The following VSTM5 variants were observed in gnomAD, a reference collection of about 807,000 sequenced individuals.
VSTM5 encodes the protein V-set and transmembrane domain-containing protein 5.
In VSTM5, 21 loss-of-function variants were observed where a neutral mutation model predicts 20.3. The observed-to-expected ratio is 1.03, with a 90% CI of 0.73 to 1.49. VSTM5 has a LOEUF of 1.49. Ranked by LOEUF, VSTM5 falls within the 40% of genes most tolerant of loss-of-function variation. The pLI is 0.00. For synonymous variants in VSTM5, 100 were observed against 102.5 expected (o/e 0.98, Z 0.14); for missense variants, 219 against 250.0 (o/e 0.88, Z 0.84).
At chr11:93,823,557 T>C (rs1228582140) in intron 1 of VSTM5, among the ~76,000 whole-genome samples, 3 of 152,224 alleles carry the variant, frequency 2.0e-5, no homozygotes, top group Admixed American at 6.5e-5. Flanking sequence ...CCCCAGCCTC[T>C]GGCAACAACA....
intron 1 of VSTM5, among the ~76,000 whole-genome samples, chr11:93,847,174 G>A (rs1484455742): frequency 2.0e-5 from 3 of 152,190 alleles, no homozygotes; most frequent in Admixed American, 2.0e-4. Flanking sequence ...AGTGCAGAGT[G>A]AGACCACACC....
At chr11:93,821,371 C>T (rs1944184873) in intron 1 of VSTM5, 48 bp from the exon 2 acceptor site, 2 of 1,429,854 alleles carry the variant, frequency 1.4e-6, no homozygotes, top group Non-Finnish European at 1.9e-6. Flanking sequence ...TGGCTTTATA[C>T]TGAAGTGAAC....
chr11:93,829,528 CAAGAAAA>C (rs1944265062), intron 1 of VSTM5, among the ~76,000 whole-genome samples: 1 of 151,520 alleles, frequency 6.6e-6, no homozygotes. Context: ...GACTCAGTCT[CAAGAAAA>C]AAGAAAAAAA....
chr11:93,829,781 C>T (rs948482725), intron 1 of VSTM5, among the ~76,000 whole-genome samples: 22 of 152,180 alleles, frequency 1.4e-4, no homozygotes, highest in African/African-American at 5.3e-4. Flanking sequence ...ACTGCACTTG[C>T]CACAGCTCCC....
rs1052502494 is a variant in VSTM5 at position 93,819,560 on chromosome 11, G to T, written c.*1009C>A. The stretch of plus-strand genomic sequence containing the variant: ...TTGCTCAGAGAACTCTGTGCATACT[G>T]TGGGCTTCTCTTGATACTCTGACTG... On this transcript the variant is annotated 3_prime_UTR_variant, in exon 4 of 4. Coordinates refer to ENST00000409977, the MANE Select transcript of VSTM5 (RefSeq NM_001144871.2). The T allele has an allele frequency of 1.3e-5, 2 of 152,292 alleles. No homozygotes were observed. Among genetic ancestry groups the T allele is most frequent in the Non-Finnish European group, 2.9e-5 (2 of 68,094 alleles). The allele number at this position is 152,292 out of a possible 1,614,324, so 9.4% of individuals were successfully genotyped here. A position where few individuals can be genotyped will look rare whatever the true frequency, so the allele number is the denominator to read the frequency against.
At chr11:93,828,421 G>A (rs1944255261) in intron 1 of VSTM5, among the ~76,000 whole-genome samples, 1 of 152,154 alleles carries the variant, frequency 6.6e-6, no homozygotes, top group Non-Finnish European at 1.5e-5. Context: ...ACTCAGAAGG[G>A]TTACTTACTC....
At chr11:93,838,294 G>A (rs976458349) in intron 1 of VSTM5, among the ~76,000 whole-genome samples, 4 of 152,050 alleles carry the variant, frequency 2.6e-5, no homozygotes, top group African/African-American at 7.2e-5. Context: ...CCAATGTGGT[G>A]AAACTCCGTC....
chr11:93,821,045 C>T lies in VSTM5; in HGVS notation c.370G>A (p.Glu124Lys), dbSNP rs373140372. Residue 124 changes from glutamate to lysine, a missense_variant, in exon 2 of 4, where the codon GAG becomes AAG. Transcript: ENST00000409977. ...DSGYYVITVT[E>K]RLGSSQFGTI... is the part of the protein sequence containing the mutation. ...CCAAACTGGCTGCTCCCCAGGCGCT[C>T]CGTCACGGTGATGACATAGTAGCCG... The T allele has an allele frequency of 1.3e-6, 2 of 1,551,714 alleles. No individual in the cohort carries two copies.
In VSTM5 at chr11:93,828,461, T is replaced by A. The variant is rs374339987; in HGVS notation, c.92-7138A>T. Among the ~76,000 whole-genome samples, 227 of 152,322 alleles carry A rather than the reference T, an allele frequency of 1.5e-3. 1 individual carries two copies. The highest frequency in any genetic ancestry group is 5.1e-3 in the African/African-American group (212 of 41,576). On this transcript the variant is annotated intron_variant, in intron 1 of 3. Coordinates refer to ENST00000409977, the MANE Select transcript of VSTM5 (RefSeq NM_001144871.2). ...TCTTACAAATAAATTACAAAGGTTG[T>A]ACTTTTCGTTTTTTTAAAAATCGAT...
intron 1 of VSTM5, among the ~76,000 whole-genome samples, chr11:93,835,506 C>T (rs1455586742): frequency 6.6e-6 from 1 of 152,154 alleles, no homozygotes; most frequent in Non-Finnish European, 1.5e-5. Flanking sequence ...CAAAAATAGG[C>T]TAAGATACTC....
rs35477711 is a variant in VSTM5 at position 93,846,607 on chromosome 11, C to T, written c.91+3805G>A. Among the ~76,000 whole-genome samples the T allele has an allele frequency of 2.4e-3, 367 of 150,362 alleles. 1 individual carries two copies. The highest frequency in any genetic ancestry group is 4.5e-3 in the Non-Finnish European group (303 of 67,728). ...TTAATTGTCCATCAGTGGGGTCTGG[C>T]TAAGTAAAAAGCAGCATATTTATAT... On this transcript the variant is annotated intron_variant, in intron 1 of 3. Transcript: ENST00000409977.
chr11:93,842,103 A>G (rs770626791), intron 1 of VSTM5, among the ~76,000 whole-genome samples: 1 of 152,252 alleles, frequency 6.6e-6, no homozygotes, highest in Non-Finnish European at 1.5e-5. Context: ...TAAAGAGCTT[A>G]TCAGTCTCTA....
intron 1 of VSTM5, among the ~76,000 whole-genome samples, chr11:93,830,840 G>C (rs1944277206): frequency 6.6e-6 from 1 of 151,116 alleles, no homozygotes; most frequent in Non-Finnish European, 1.5e-5. Flanking sequence ...TGCAACCTCT[G>C]CGTCCTGGGC....
chr11:93,840,469 C>A (rs1944361791), intron 1 of VSTM5, among the ~76,000 whole-genome samples: 1 of 152,206 alleles, frequency 6.6e-6, no homozygotes, highest in Non-Finnish European at 1.5e-5. Context: ...ACAGCAGGCA[C>A]AACGCCTGAA....
Position 93,820,528 on chromosome 11 carries a change from G to A in VSTM5, c.*41C>T. 4.5e-6 allele frequency: 7 copies of A among 1,549,918 alleles called. No homozygotes were observed. The highest frequency in any genetic ancestry group is 5.2e-6 in the Non-Finnish European group (6 of 1,145,654). ...TGCTTGCTCTTTTTGTTGGAGAATG[G>A]TTTCCTCTTGAGGTAGGAATGCAGT... On this transcript the variant is annotated 3_prime_UTR_variant, in exon 4 of 4. Coordinates refer to ENST00000409977, the MANE Select transcript of VSTM5 (RefSeq NM_001144871.2).
rs1393765905 is a variant in VSTM5 at position 93,819,549 on chromosome 11, C to CT, written c.*1019dup. The CT allele has an allele frequency of 6.6e-6, 1 of 152,288 alleles. No homozygotes were observed. Among genetic ancestry groups the CT allele is most frequent in the Non-Finnish European group, 1.5e-5 (1 of 68,092 alleles). 9.4% of individuals were successfully genotyped at this position (152,288 alleles called of 1,614,324 possible). On this transcript the variant is annotated 3_prime_UTR_variant, in exon 4 of 4. Coordinates refer to ENST00000409977, the MANE Select transcript of VSTM5 (RefSeq NM_001144871.2). The stretch of plus-strand genomic sequence containing the variant: ...CATTTCGTAAGTTGCTCAGAGAACT[C>CT]TGTGCATACTGTGGGCTTCTCTTGA...
chr11:93,845,159 A>G (rs1287783556), intron 1 of VSTM5, among the ~76,000 whole-genome samples: 1 of 152,224 alleles, frequency 6.6e-6, no homozygotes, highest in Non-Finnish European at 1.5e-5. Flanking sequence ...ACTTAAAAGC[A>G]AAACAAAACA....
intron 1 of VSTM5, among the ~76,000 whole-genome samples, chr11:93,825,555 G>A (rs189784011): frequency 1.3e-5 from 2 of 152,250 alleles, no homozygotes; most frequent in East Asian, 3.9e-4. Context: ...TAATATGGAC[G>A]TTTTAACGAT....
rs926062829 is a variant in VSTM5, at chr11:93,819,188, C to G, written c.*1381G>C. ...AAGAAGAGAAAGGAATGTTCTAAGA[C>G]TTCTTAACCTTTGCATGGGTGAATT... On this transcript the variant is annotated 3_prime_UTR_variant, in exon 4 of 4. Coordinates refer to ENST00000409977, the MANE Select transcript of VSTM5 (RefSeq NM_001144871.2). 6.6e-6 allele frequency: 1 copy of G among 152,266 alleles called. No homozygotes were observed. Among genetic ancestry groups the G allele is most frequent in the Non-Finnish European group, 1.5e-5 (1 of 68,082 alleles). The allele number at this position is 152,266 out of a possible 1,614,324, so 9.4% of individuals were successfully genotyped here.
Sources: gnomAD v4.1 joint callset for allele counts (sites outside exome capture counted in the v4.1 genomes callset) on GRCh38, gnomAD v4.1.1 for gene constraint, MANE v1.5 for transcripts, NCBI Gene and HGNC (gene_info 2026-07-23, HGNC 2026-07-21) for gene names.